Variants in LEKR1 observed in about 807,000 individuals in gnomAD.
LEKR1 encodes protein LEKR1.
In LEKR1, 59 loss-of-function variants were observed where a neutral mutation model predicts 72.4. The ratio of observed to expected loss-of-function variants is 0.82; its 90% CI spans 0.66 to 1.01. LEKR1 has a LOEUF of 1.01. Among genes scored for constraint, LEKR1 ranks in the 50% least tolerant of loss-of-function variants. LEKR1 has a pLI of 0.00. For missense variants in LEKR1, 728 were observed against 759.2 expected, an observed-to-expected ratio of 0.96 and a Z score of 0.48; for synonymous variants, 257 against 263.2, an observed-to-expected ratio of 0.98 and a Z score of 0.23.
At chr3:156,909,903 C>CAT (rs1233172396) in intron 3 of LEKR1, among the ~76,000 whole-genome samples, 2 of 151,760 alleles carry the variant, frequency 1.3e-5, no homozygotes, top group East Asian at 3.8e-4. Flanking sequence ...TTAACACTAA[C>CAT]ATATATATGT....
chr3:156,905,628 C>A (rs1282318035), intron 3 of LEKR1, among the ~76,000 whole-genome samples: 2 of 152,134 alleles, frequency 1.3e-5, no homozygotes. Flanking sequence ...TCACAAAGTG[C>A]TTATGAGTTC....
intron 2 of LEKR1, among the ~76,000 whole-genome samples, chr3:156,834,875 ATACTT>A (rs1712901370): frequency 6.6e-6 from 1 of 152,116 alleles, no homozygotes; most frequent in African/African-American, 2.4e-5. Context: ...CTTTAAAACT[ATACTT>A]AACAAAGATT....
At chr3:157,035,539 C>A (rs190423751) in intron 12 of LEKR1, among the ~76,000 whole-genome samples, 2 of 152,124 alleles carry the variant, frequency 1.3e-5, no homozygotes, top group African/African-American at 4.8e-5. Context: ...AGTAACCAGG[C>A]TTATGTATTA....
intron 12 of LEKR1, among the ~76,000 whole-genome samples, chr3:157,032,370 G>A (rs2108040528): frequency 6.6e-6 from 1 of 152,292 alleles, no homozygotes; most frequent in East Asian, 1.9e-4. Flanking sequence ...AAGAGCAGTA[G>A]TTTTAAATGC....
intron 5 of LEKR1, among the ~76,000 whole-genome samples, chr3:156,942,288 T>C (rs1234018463): frequency 1.3e-5 from 2 of 151,726 alleles, no homozygotes; most frequent in Non-Finnish European, 2.9e-5. Flanking sequence ...TAATACAATT[T>C]AAAAGCTAAA....
intron 6 of LEKR1, among the ~76,000 whole-genome samples, chr3:156,971,816 G>A (rs1240022018): frequency 6.6e-6 from 1 of 152,272 alleles, no homozygotes; most frequent in East Asian, 1.9e-4. Context: ...AGTTAGAATG[G>A]CAATCATTAA....
intron 6 of LEKR1, among the ~76,000 whole-genome samples, chr3:156,956,955 T>A (rs1560106680): frequency 6.6e-6 from 1 of 152,066 alleles, no homozygotes; most frequent in Non-Finnish European, 1.5e-5. Context: ...TTCTACTTTT[T>A]AAATTAGTAC....
chr3:156,854,635 G>T (rs1355578695), intron 3 of LEKR1, among the ~76,000 whole-genome samples: 1 of 150,992 alleles, frequency 6.6e-6, no homozygotes, highest in Non-Finnish European at 1.5e-5. Context: ...TGACCTTCCG[G>T]ACTCAAGCTA....
intron 12 of LEKR1, among the ~76,000 whole-genome samples, chr3:157,032,897 C>T (rs922233656): frequency 4.6e-5 from 7 of 152,018 alleles, no homozygotes; most frequent in Non-Finnish European, 1.0e-4. Flanking sequence ...TGCATGTGCT[C>T]ACTTTATGTC....
At chr3:157,028,592 C>G (rs1344599560) in intron 12 of LEKR1, among the ~76,000 whole-genome samples, 190 bp downstream of exon 12, 1 of 152,202 alleles carries the variant, frequency 6.6e-6, no homozygotes, top group African/African-American at 2.4e-5. Context: ...TAGGCAGTCA[C>G]TTAGCCTCTC....
rs1425569830 is a variant in LEKR1, at chr3:156,826,650, CT to C, written c.-45+275del. 4 of 155,694 alleles carry C rather than the reference CT, an allele frequency of 2.6e-5. No individual in the cohort carries two copies. In the East Asian group the frequency reaches 7.7e-4, roughly 30 times the overall value. The allele number at this position is 155,694 out of a possible 1,614,324, so 9.6% of individuals were successfully genotyped here. On this transcript the variant is annotated intron_variant, in intron 1 of 12. Transcript: ENST00000356539. Reference sequence around the variant, plus strand: ...TCCTCACCCCCGCACCCTCCTCCTCCTCCTCTTCCGGCCACTGCAGGTCCAG... The same window carrying C: ...TCCTCACCCCCGCACCCTCCTCCTCCCCTCTTCCGGCCACTGCAGGTCCAG...
intron 3 of LEKR1, among the ~76,000 whole-genome samples, chr3:156,876,099 T>C (rs1718539032): frequency 6.6e-6 from 1 of 151,970 alleles, no homozygotes; most frequent in African/African-American, 2.4e-5. Context: ...GTCCTTTCCC[T>C]ACTTTGGTTT....
chr3:156,862,784 T>G (rs528890724), intron 3 of LEKR1, among the ~76,000 whole-genome samples: 2 of 152,192 alleles, frequency 1.3e-5, no homozygotes, highest in African/African-American at 4.8e-5. Flanking sequence ...TTAACCAAAG[T>G]CTAGCCCAGC....
chr3:156,943,748 CT>C (rs1355248497), intron 6 of LEKR1, among the ~76,000 whole-genome samples: 6 of 151,754 alleles, frequency 4.0e-5, no homozygotes, highest in Non-Finnish European at 5.9e-5. Context: ...GTTTGGGAGT[CT>C]TTAATGATGG....
At chr3:156,951,802 C>T (rs1727181405) in intron 6 of LEKR1, among the ~76,000 whole-genome samples, 1 of 151,458 alleles carries the variant, frequency 6.6e-6, no homozygotes, top group Non-Finnish European at 1.5e-5. Flanking sequence ...GAAAAACCTA[C>T]TTCTGGATTC....
chr3:156,966,030 A>G (rs1470681297), intron 6 of LEKR1, among the ~76,000 whole-genome samples: 1 of 152,236 alleles, frequency 6.6e-6, no homozygotes, highest in Non-Finnish European at 1.5e-5. Context: ...CAGGTCAGTT[A>G]TATTTTATTA....
chr3:157,028,498 A>C, intron 12 of LEKR1, 96 bp downstream of exon 12: 1 of 1,048,654 alleles, frequency 9.5e-7, no homozygotes, highest in Non-Finnish European at 1.4e-6. Flanking sequence ...AGTTTCATGG[A>C]AAGAGTCCTG....
chr3:156,939,081 G>A (rs990874367), intron 5 of LEKR1, among the ~76,000 whole-genome samples: 37 of 152,178 alleles, frequency 2.4e-4, no homozygotes, highest in African/African-American at 8.2e-4. Context: ...CTAAAATATA[G>A]TGTGATGGGC....
At chr3:157,018,803 A>G (rs1733588542) in intron 10 of LEKR1, among the ~76,000 whole-genome samples, 1 of 152,172 alleles carries the variant, frequency 6.6e-6, no homozygotes, top group Admixed American at 6.5e-5. Context: ...TTAGAGTTGT[A>G]AGAATTAAAA....
Sources: gnomAD v4.1 joint callset for allele counts (sites outside exome capture counted in the v4.1 genomes callset) on GRCh38, gnomAD v4.1.1 for gene constraint, MANE v1.5 for transcripts, NCBI Gene and HGNC (gene_info 2026-07-23, HGNC 2026-07-21) for gene names.